METTL8: variants seen among roughly 807,000 people sequenced by gnomAD.
METTL8 encodes methyltransferase 8, tRNA N3-cytidine.
METTL8 carries 32 observed loss-of-function variants against 48.7 expected under a neutral mutation model. That is an observed-to-expected ratio of 0.66 (90% CI 0.50 to 0.88). The LOEUF (loss-of-function observed/expected upper bound fraction) is 0.88, where lower values mean the gene tolerates loss of function less well. Ranked by LOEUF, METTL8 falls within the 40% of genes least tolerant of loss-of-function variation. METTL8 has a pLI of 0.00. For missense variants in METTL8, 464 were observed against 474.4 expected (o/e 0.98, Z 0.20); for synonymous variants, 136 against 157.1 (o/e 0.87, Z 1.01).
At chr2:171,341,560 T>C (rs1686771496) in intron 3 of METTL8, among the ~76,000 whole-genome samples, 1 of 151,684 alleles carries the variant, frequency 6.6e-6, no homozygotes, top group Admixed American at 6.6e-5. Context: ...TTTCCCTTTT[T>C]TTTTTTCCGT....
At chr2:171,355,768 A>C (rs1684466782) in intron 3 of METTL8, among the ~76,000 whole-genome samples, 1 of 151,990 alleles carries the variant, frequency 6.6e-6, no homozygotes, top group African/African-American at 2.4e-5. Flanking sequence ...CCTCCAAGCC[A>C]GGCATTTGAT....
At chr2:171,425,772 T>C (rs530200274) in intron 1 of METTL8, among the ~76,000 whole-genome samples, 2 of 152,322 alleles carry the variant, frequency 1.3e-5, no homozygotes, top group African/African-American at 4.8e-5. Flanking sequence ...CTGTGGTAAT[T>C]TGTTATACAG....
intron 2 of METTL8, among the ~76,000 whole-genome samples, chr2:171,372,427 A>C (rs17285639): frequency 0.025 from 3,813 of 152,030 alleles, 49 homozygotes; most frequent in Non-Finnish European, 0.033. Context: ...TTTTCTCTCT[A>C]TATATAAAAG....
chr2:171,371,756 T>C (rs906235610), intron 2 of METTL8, among the ~76,000 whole-genome samples: 2 of 152,080 alleles, frequency 1.3e-5, no homozygotes, highest in Non-Finnish European at 2.9e-5. Context: ...CTCAGCCTCC[T>C]GAGTAGCTAG....
intron 2 of METTL8, among the ~76,000 whole-genome samples, chr2:171,370,579 A>C (rs538826555): frequency 9.2e-5 from 14 of 152,122 alleles, no homozygotes; most frequent in East Asian, 5.8e-4. Flanking sequence ...ATCATGAGGT[A>C]AGGAGATCGA....
intron 2 of METTL8, among the ~76,000 whole-genome samples, chr2:171,373,854 C>A (rs980786140): frequency 2.0e-5 from 3 of 152,152 alleles, no homozygotes; most frequent in African/African-American, 7.2e-5. Flanking sequence ...TGTTTTGGTA[C>A]CAGTACCATG....
rs1243773940 is a variant in METTL8 at position 171,321,900 on chromosome 2, A to G, written c.*2272T>C. 6.6e-6 allele frequency: 1 copy of G among 152,074 alleles called. No individual in the cohort carries two copies. The highest frequency in any genetic ancestry group is 1.5e-5 in the Non-Finnish European group (1 of 68,016). 9.4% of individuals were successfully genotyped at this position (152,074 alleles called of 1,614,324 possible). A position where few individuals can be genotyped will look rare whatever the true frequency, so the allele number is the denominator to read the frequency against. ...GTATGAGACTAATCTTAAAAACTTC[A>G]TTTCTACAAAATGTGATTTGCAAGC... On this transcript the variant is annotated 3_prime_UTR_variant, in exon 10 of 10. Transcript: ENST00000375258.
chr2:171,375,783 G>C (rs1574040816), intron 2 of METTL8, among the ~76,000 whole-genome samples: 1 of 152,184 alleles, frequency 6.6e-6, no homozygotes, highest in Non-Finnish European at 1.5e-5. Context: ...ATTATGCTGA[G>C]TAAGAGAGGC....
At chr2:171,408,592 GC>G (rs1157057308) in intron 1 of METTL8, among the ~76,000 whole-genome samples, 1 of 151,992 alleles carries the variant, frequency 6.6e-6, no homozygotes, top group African/African-American at 2.4e-5. Flanking sequence ...GTGACCAGCT[GC>G]TGGGAATTCT....
chr2:171,350,661 G>A (rs1277223180), intron 3 of METTL8, among the ~76,000 whole-genome samples: 1 of 152,166 alleles, frequency 6.6e-6, no homozygotes, highest in East Asian at 1.9e-4. Flanking sequence ...CATTCTAACT[G>A]GTGTGAGATG....
chr2:171,433,431 T>C (rs1693362702), intron 1 of METTL8, among the ~76,000 whole-genome samples: 1 of 152,328 alleles, frequency 6.6e-6, no homozygotes, highest in Non-Finnish European at 1.5e-5. Context: ...AGAGGTAGCA[T>C]GCCCAAGTCC....
chr2:171,362,492 T>C (rs1685259440), intron 2 of METTL8, among the ~76,000 whole-genome samples: 1 of 151,962 alleles, frequency 6.6e-6, no homozygotes, highest in South Asian at 2.1e-4. Flanking sequence ...CAATCAGATA[T>C]GAGAGGGTAT....
intron 3 of METTL8, among the ~76,000 whole-genome samples, chr2:171,339,756 A>T (rs1017840446): frequency 6.6e-6 from 1 of 152,204 alleles, no homozygotes; most frequent in African/African-American, 2.4e-5. Flanking sequence ...AATGTGTCAA[A>T]ATGTGGGATA....
chr2:171,404,324 C>T (rs1231540301), intron 1 of METTL8, among the ~76,000 whole-genome samples: 1 of 151,826 alleles, frequency 6.6e-6, no homozygotes. Context: ...TAGTGTTAAG[C>T]TACTATTGAC....
At chr2:171,349,357 T>C (rs953848248) in intron 3 of METTL8, among the ~76,000 whole-genome samples, 1 of 152,166 alleles carries the variant, frequency 6.6e-6, no homozygotes, top group African/African-American at 2.4e-5. Context: ...GCAACCACCA[T>C]TTTTCGTTCT....
At chr2:171,405,901 T>C (rs1559187097) in intron 1 of METTL8, among the ~76,000 whole-genome samples, 1 of 151,896 alleles carries the variant, frequency 6.6e-6, no homozygotes, top group Admixed American at 6.6e-5. Context: ...GGCTGTAAGG[T>C]AGGGGGCATG....
chr2:171,338,813 T>C (rs1686403852), intron 4 of METTL8, among the ~76,000 whole-genome samples: 1 of 152,116 alleles, frequency 6.6e-6, no homozygotes, highest in African/African-American at 2.4e-5. Flanking sequence ...AAAACCAAGG[T>C]CTACACCAGA....
At chr2:171,351,949 C>CTTTA (rs1683978878) in intron 3 of METTL8, among the ~76,000 whole-genome samples, 1 of 151,142 alleles carries the variant, frequency 6.6e-6, no homozygotes. Flanking sequence ...ATTGAATTCC[C>CTTTA]TTTCTTTCTC....
At position 171,337,557 on chromosome 2, in the gene METTL8, C is replaced by T; in HGVS notation, c.607-55G>A. 7 of 1,380,688 alleles carry T rather than the reference C, an allele frequency of 5.1e-6. No homozygotes were observed. In the South Asian group the frequency reaches 6.4e-5, roughly 13 times the overall value. The allele number at this position is 1,380,688 out of a possible 1,614,324, so 85.5% of individuals were successfully genotyped here. A position where few individuals can be genotyped will look rare whatever the true frequency, so the allele number is the denominator to read the frequency against. On this transcript the variant is annotated intron_variant, in intron 4 of 9. Coordinates refer to ENST00000375258, the MANE Select transcript of METTL8 (RefSeq NM_001321154.2). ...AAAAAGCAAGGTTAAATTTTTGTCACCAATGTCAGATCTCCTATTAAAGAA... is the reference window on the plus strand; with the variant it reads ...AAAAAGCAAGGTTAAATTTTTGTCATCAATGTCAGATCTCCTATTAAAGAA...
Sources: gnomAD v4.1 joint callset for allele counts (sites outside exome capture counted in the v4.1 genomes callset) on GRCh38, gnomAD v4.1.1 for gene constraint, MANE v1.5 for transcripts, NCBI Gene and HGNC (gene_info 2026-07-23, HGNC 2026-07-21) for gene names.